The following EHD4 variants were observed in gnomAD, a reference collection of about 807,000 sequenced individuals.
EHD4 encodes the protein EH domain containing 4.
In EHD4, 37 loss-of-function variants were observed where a neutral mutation model predicts 51.0. That is an observed-to-expected ratio of 0.73 (90% CI 0.56 to 0.95). The LOEUF (loss-of-function observed/expected upper bound fraction) is 0.95, where lower values mean the gene tolerates loss of function less well. Ranked by LOEUF, EHD4 falls within the 40% of genes least tolerant of loss-of-function variation. The pLI is 0.00. For missense variants in EHD4, 632 were observed against 733.1 expected (o/e 0.86, Z 1.59); for synonymous variants, 297 against 317.3 (o/e 0.94, Z 0.68).
At chr15:41,933,062 G>T (rs6493015) in intron 3 of EHD4, among the ~76,000 whole-genome samples, 67,939 of 152,140 alleles carry the variant, frequency 0.45, 16,403 homozygotes, top group East Asian at 0.62. Context: ...TATAAAAGCG[G>T]AAAGAGGCTC....
chr15:41,959,158 C>T (rs1006664555), intron 1 of EHD4, among the ~76,000 whole-genome samples: 3 of 151,400 alleles, frequency 2.0e-5, no homozygotes, highest in African/African-American at 7.3e-5. Flanking sequence ...TTTGGGAGGC[C>T]GAGGTGGGCG....
chr15:41,911,260 C>T lies in EHD4; in HGVS notation c.925-1397G>A, dbSNP rs114363407. On this transcript the variant is annotated intron_variant, in intron 4 of 5. Coordinates refer to ENST00000220325, the MANE Select transcript of EHD4 (RefSeq NM_139265.4). Reference sequence around the variant, plus strand: ...GCCTGGCTACCGCTGAGAGGATGGTCTTGGAGAGATGACGCTAAACCTTTC... The same window carrying T: ...GCCTGGCTACCGCTGAGAGGATGGTTTTGGAGAGATGACGCTAAACCTTTC... 5.6e-3 allele frequency among the ~76,000 whole-genome samples: 860 copies of T among 152,304 alleles called. 8 individuals are homozygous for T. The highest frequency in any genetic ancestry group is 0.02 in the African/African-American group (820 of 41,562).
intron 4 of EHD4, among the ~76,000 whole-genome samples, chr15:41,915,230 CTGTCATTT>C (rs1372148134): frequency 6.6e-6 from 1 of 152,008 alleles, no homozygotes; most frequent in Non-Finnish European, 1.5e-5. Context: ...TAGAGAAAAA[CTGTCATTT>C]TGTCATTTTG....
Position 41,898,414 on chromosome 15 carries a change from AG to A in EHD4, c.*2230del, listed in dbSNP as rs754175272. On this transcript the variant is annotated 3_prime_UTR_variant, in exon 6 of 6. Coordinates refer to ENST00000220325, the MANE Select transcript of EHD4 (RefSeq NM_139265.4). Reference sequence around the variant, plus strand: ...AATTCATGTTTATATATGACAATTGAGGAGAGTTAAAGAACAAGATAATTCT... The same window carrying A: ...AATTCATGTTTATATATGACAATTGAGAGAGTTAAAGAACAAGATAATTCT... 1.8e-4 allele frequency: 28 copies of A among 152,250 alleles called. No individual in the cohort carries two copies. Among genetic ancestry groups the A allele is most frequent in the Non-Finnish European group, 3.5e-4 (24 of 68,054 alleles). The allele number at this position is 152,250 out of a possible 1,614,324, so 9.4% of individuals were successfully genotyped here. A position where few individuals can be genotyped will look rare whatever the true frequency, so the allele number is the denominator to read the frequency against.
chr15:41,916,334 T>C (rs1190530056), intron 4 of EHD4, among the ~76,000 whole-genome samples: 3 of 152,214 alleles, frequency 2.0e-5, no homozygotes, highest in Non-Finnish European at 4.4e-5. Flanking sequence ...TGACCGAGGT[T>C]TGAACGTATA....
chr15:41,972,227 G>A, intron 1 of EHD4, 32 bp downstream of exon 1: 1 of 1,509,542 alleles, frequency 6.6e-7, no homozygotes. Flanking sequence ...GGCGGAGCGG[G>A]GCGGGAGCCG....
chr15:41,963,603 A>AG (rs1354371512), intron 1 of EHD4, among the ~76,000 whole-genome samples: 1 of 151,606 alleles, frequency 6.6e-6, no homozygotes, highest in Non-Finnish European at 1.5e-5. Context: ...CTGTTTCAAA[A>AG]AAAAAAAAAA....
intron 3 of EHD4, among the ~76,000 whole-genome samples, chr15:41,929,350 T>G (rs973226354): frequency 6.6e-6 from 1 of 152,226 alleles, no homozygotes; most frequent in Non-Finnish European, 1.5e-5. Context: ...CACATGTCCC[T>G]GAAGGCCCCT....
At chr15:41,948,091 T>TAAAAATAC in intron 2 of EHD4, among the ~76,000 whole-genome samples, 5 of 152,144 alleles carry the variant, frequency 3.3e-5, no homozygotes, top group Non-Finnish European at 5.9e-5. Context: ...CTGTCTGTAC[T>TAAAAATAC]AAAAATACAA....
In EHD4 at chr15:41,972,320, C is replaced by G. The variant is rs546332029; in HGVS notation, c.175G>C (p.Glu59Gln). The change falls in exon 1 of 6, where the codon GAG (glutamate) becomes CAG (glutamine). Residue 59 changes from glutamate to glutamine, a missense_variant. By Grantham distance (29) the Glu-to-Gln change is conservative (BLOSUM62 2). Coordinates refer to ENST00000220325, the MANE Select transcript of EHD4 (RefSeq NM_139265.4). ...HSPALEDADF[E>Q]NKPMILLVGQ... ...ACCAGCAGGATCATGGGCTTGTTCT[C>G]GAAGTCGGCGTCCTCCAGCGCAGGC... The G allele has an allele frequency of 1.2e-6, 2 of 1,611,144 alleles. No individual in the cohort carries two copies. Among genetic ancestry groups the G allele is most frequent in the East Asian group, 4.5e-5 (2 of 44,716 alleles).
chr15:41,962,705 G>A lies in EHD4; in HGVS notation c.237-8765C>T, dbSNP rs566906195. Reference sequence around the variant, plus strand: ...GCAGCCCCCACCCGGCCGCCGCCCCGTCTGGGAGGTGGGGGGCGCCTCTGC... The same window carrying A: ...GCAGCCCCCACCCGGCCGCCGCCCCATCTGGGAGGTGGGGGGCGCCTCTGC... On this transcript the variant is annotated intron_variant, in intron 1 of 5. Transcript: ENST00000220325. Among the ~76,000 whole-genome samples the A allele has an allele frequency of 1.6e-4, 25 of 152,072 alleles. No individual in the cohort carries two copies. The South Asian group carries it at 1.7e-3, about 10-fold the overall frequency.
intron 2 of EHD4, among the ~76,000 whole-genome samples, chr15:41,953,329 T>A (rs1173115048): frequency 6.6e-6 from 1 of 152,214 alleles, no homozygotes; most frequent in African/African-American, 2.4e-5. Flanking sequence ...TCCATTTCTG[T>A]GCAGCTCAAA....
chr15:41,906,622 A>G (rs1881488124), intron 5 of EHD4, among the ~76,000 whole-genome samples: 1 of 152,194 alleles, frequency 6.6e-6, no homozygotes, highest in Admixed American at 6.5e-5. Flanking sequence ...GCTGGACCGG[A>G]GCCATGGGCC....
intron 1 of EHD4, among the ~76,000 whole-genome samples, chr15:41,963,949 T>C (rs2067944446): frequency 6.6e-6 from 1 of 151,690 alleles, no homozygotes; most frequent in South Asian, 2.1e-4. Context: ...ATCGAGACCA[T>C]CCTGGCTAAT....
chr15:41,943,176 G>A lies in EHD4; in HGVS notation c.414-12C>T, dbSNP rs1337721997. On this transcript the variant is annotated splice_polypyrimidine_tract_variant and intron_variant, in intron 2 of 5. Transcript: ENST00000220325. ...GTGAGCACATGAATCTGGAAGAGACGGATCAAAGGAGGGGTCAGAAACTGG... is the reference window on the plus strand; with the variant it reads ...GTGAGCACATGAATCTGGAAGAGACAGATCAAAGGAGGGGTCAGAAACTGG... The A allele has an allele frequency of 3.8e-6, 6 of 1,567,634 alleles. No individual in the cohort carries two copies. Among genetic ancestry groups the A allele is most frequent in the South Asian group, 1.2e-5 (1 of 85,366 alleles).
chr15:41,902,382 T>C (rs1022553885), intron 5 of EHD4, among the ~76,000 whole-genome samples: 1 of 152,108 alleles, frequency 6.6e-6, no homozygotes, highest in Non-Finnish European at 1.5e-5. Flanking sequence ...AATTCATCCA[T>C]CCATCCACCT....
rs1225855188 is a variant in EHD4, at chr15:41,901,119, T to G, written c.1152A>C (p.Ala384=). The G allele has an allele frequency of 6.2e-7, 1 of 1,600,060 alleles. No homozygotes were observed. Among genetic ancestry groups the G allele is most frequent in the Non-Finnish European group, 8.5e-7 (1 of 1,174,524 alleles). ...TCTTGTTGCTCAGCATGTTGTCCAC[T>G]GCCTCGATCAGCTTGGGCTTCAGCG... ...FHSLKPKLIE[A]VDNMLSNKIS... is the part of the protein sequence containing the mutation. Residue 384 remains alanine (A), a synonymous_variant, in exon 6 of 6, where the codon GCA becomes GCC. Transcript: ENST00000220325.
At chr15:41,943,267 G>T in intron 2 of EHD4, 103 bp from the exon 3 acceptor site, 1 of 859,292 alleles carries the variant, frequency 1.2e-6, no homozygotes. Flanking sequence ...TCTGTAAAGT[G>T]GGGGCCTGAA....
intron 4 of EHD4, among the ~76,000 whole-genome samples, chr15:41,910,282 A>G (rs2067540570): frequency 6.6e-6 from 1 of 152,192 alleles, no homozygotes; most frequent in African/African-American, 2.4e-5. Context: ...CCAGTGAACG[A>G]TGAGATGAGA....
Sources: gnomAD v4.1 joint callset for allele counts (sites outside exome capture counted in the v4.1 genomes callset) on GRCh38, gnomAD v4.1.1 for gene constraint, MANE v1.5 for transcripts, NCBI Gene and HGNC (gene_info 2026-07-23, HGNC 2026-07-21) for gene names.